The following TULP2 variants were observed in gnomAD, a reference collection of about 807,000 sequenced individuals.
TULP2 encodes the protein tubby-related protein 2.
A neutral mutation model predicts 60.3 loss-of-function variants in TULP2; 64 were observed. The observed-to-expected ratio is 1.06, with a 90% CI of 0.87 to 1.31. The LOEUF (loss-of-function observed/expected upper bound fraction) is 1.31, where lower values mean the gene tolerates loss of function less well. TULP2 is among the 50% of genes most tolerant of loss of function. TULP2 has a pLI of 0.00. For missense variants in TULP2, 652 were observed against 667.0 expected (o/e 0.98, Z 0.25); for synonymous variants, 267 against 265.4 (o/e 1.01, Z -0.06).
intron 6 of TULP2, among the ~76,000 whole-genome samples, chr19:48,893,176 G>A (rs1291586849): frequency 1.3e-5 from 2 of 151,922 alleles, no homozygotes; most frequent in South Asian, 2.1e-4. Flanking sequence ...GAGACCAGCT[G>A]TGCCAACATG....
chr19:48,889,345 T>C (rs976146105), intron 7 of TULP2, among the ~76,000 whole-genome samples, 165 bp downstream of exon 7: 2 of 151,678 alleles, frequency 1.3e-5, no homozygotes, highest in African/African-American at 4.8e-5. Context: ...CACACACACA[T>C]GCACGCACGC....
intron 6 of TULP2, among the ~76,000 whole-genome samples, chr19:48,894,266 G>C (rs36046381): frequency 0.5 from 75,750 of 151,746 alleles, 21,776 homozygotes; most frequent in African/African-American, 0.8. Context: ...TTCCTGGACT[G>C]AAGTGACCAA....
At chr19:48,881,870 C>T in intron 12 of TULP2, 162 bp downstream of exon 12, 2 of 935,192 alleles carry the variant, frequency 2.1e-6, no homozygotes, top group African/African-American at 1.6e-5. Flanking sequence ...GCCAGAAACC[C>T]TGAGGGTGTG....
chr19:48,883,713 C>A (rs746238795), intron 11 of TULP2, 41 bp downstream of exon 11: 3 of 1,607,654 alleles, frequency 1.9e-6, no homozygotes, highest in African/African-American at 2.7e-5. Context: ...GCCCCAGCCC[C>A]TTCTCCATTG....
chr19:48,882,036 T>A lies in TULP2; in HGVS notation c.1443A>T (p.Lys481Asn), dbSNP rs182426608. 14 of 1,614,104 alleles carry A rather than the reference T, an allele frequency of 8.7e-6. No individual in the cohort carries two copies. In the East Asian group the frequency reaches 2.9e-4, roughly 33 times the overall value. Residue 481 changes from lysine (K) to asparagine (N), a missense_variant, in exon 12 of 13, where the codon AAA (lysine) becomes AAT (asparagine). Lys to Asn is a moderately conservative substitution (Grantham distance 94). Coordinates refer to ENST00000221399, the MANE Select transcript of TULP2 (RefSeq NM_003323.3). The part of the protein sequence containing the change: ...SVKNFQIVDP[K>N]HQEHLVLQFG... The stretch of plus-strand genomic sequence containing the variant: ...AACTGGTTTCCAGGAGCTCACGGTG[T>A]TTGGGATCCACGATTTGGAAGTTCT...
chr19:48,886,818 C>T (rs924901448), intron 8 of TULP2, among the ~76,000 whole-genome samples: 1 of 151,164 alleles, frequency 6.6e-6, no homozygotes, highest in Admixed American at 6.6e-5. Flanking sequence ...AAGCCATTTT[C>T]CCTCAGCCTC....
chr19:48,894,807 G>A (rs2037263552), intron 6 of TULP2, among the ~76,000 whole-genome samples, 191 bp downstream of exon 6: 1 of 152,164 alleles, frequency 6.6e-6, no homozygotes, highest in Non-Finnish European at 1.5e-5. Flanking sequence ...TATCTGTGGG[G>A]TTCCTGGAAC....
chr19:48,884,157 C>T (rs2037159550), intron 9 of TULP2, 111 bp from the exon 10 acceptor site: 3 of 863,372 alleles, frequency 3.5e-6, no homozygotes, highest in Non-Finnish European at 5.5e-6. Flanking sequence ...AAGACTATGT[C>T]CGAATGTCTA....
chr19:48,888,196 G>T lies in TULP2; in HGVS notation c.702C>A (p.His234Gln). Reference sequence around the variant, plus strand: ...TCAGGGCCTTGGACAACTCTTCGTTGTGTGCTGCTGAGGAGTTCGTCCCTG... The same window carrying T: ...TCAGGGCCTTGGACAACTCTTCGTTTTGTGCTGCTGAGGAGTTCGTCCCTG... ...ESTGTNSSAA[H>Q]NEELSKALKG... is the part of the protein sequence containing the mutation. The change falls in exon 8 of 13, where the codon CAC becomes CAA. Residue 234 changes from histidine to glutamine, a missense_variant. Coordinates refer to ENST00000221399, the MANE Select transcript of TULP2 (RefSeq NM_003323.3). The T allele has an allele frequency of 6.2e-7, 1 of 1,614,058 alleles. No homozygotes were observed. The highest frequency in any genetic ancestry group is 2.2e-5 in the East Asian group (1 of 44,870).
rs368027001 is a variant in TULP2, at chr19:48,897,409, C to T, written c.33-13G>A. The T allele has an allele frequency of 4.3e-6, 7 of 1,613,562 alleles. No individual in the cohort carries two copies. The highest frequency in any genetic ancestry group is 5.1e-6 in the Non-Finnish European group (6 of 1,179,762). On this transcript the variant is annotated splice_polypyrimidine_tract_variant and intron_variant, in intron 2 of 12. Transcript: ENST00000221399. This position sits in a 1 kb window ranked among gnomAD's most constrained non-coding sequence, Gnocchi z 4.0. ...ATGCCCCAGGATGCTGAGAGAGACACAGGCCCATGGTGACAGTGCACAGGG... is the reference window on the plus strand; with the variant it reads ...ATGCCCCAGGATGCTGAGAGAGACATAGGCCCATGGTGACAGTGCACAGGG...
intron 3 of TULP2, 177 bp from the exon 4 acceptor site, chr19:48,896,733 G>A (rs2037286206): frequency 1.4e-6 from 1 of 710,072 alleles, no homozygotes; most frequent in Non-Finnish European, 2.2e-6. Flanking sequence ...TTCCACCGTT[G>A]GACTCAGATC....
chr19:48,898,041 C>T (rs980753721), intron 1 of TULP2, among the ~76,000 whole-genome samples, 172 bp from the exon 2 acceptor site: 5 of 152,018 alleles, frequency 3.3e-5, no homozygotes, highest in African/African-American at 1.2e-4. Flanking sequence ...GGCGCCATCT[C>T]GGCCACTGCA....
chr19:48,889,466 A>G (rs1198626347), intron 7 of TULP2, 44 bp downstream of exon 7: 2 of 1,554,044 alleles, frequency 1.3e-6, no homozygotes, highest in Non-Finnish European at 1.8e-6. Context: ...GTCCGAGGCT[A>G]GCCCTCTTCT....
chr19:48,891,042 C>T (rs144116238), intron 6 of TULP2, among the ~76,000 whole-genome samples: 26,813 of 148,964 alleles, frequency 0.18, 3,451 homozygotes, highest in African/African-American at 0.37. Context: ...TGGCCGGGCA[C>T]GGTGGCTCAC....
rs775881486 is a variant in TULP2 at position 48,881,059 on chromosome 19, T to C, written c.1515A>G (p.Pro505=). The C allele has an allele frequency of 2.7e-5, 43 of 1,613,814 alleles. No homozygotes were observed. The highest frequency in any genetic ancestry group is 3.4e-5 in the Non-Finnish European group (40 of 1,179,998). The part of the protein sequence containing the change: ...PDTFTMDFCF[P]FSPLQAFSIC... The stretch of plus-strand genomic sequence containing the variant: ...TGCTGAAGGCCTGGAGCGGGCTAAA[T>C]GGAAAGCAGAAGTCCATGGTGAATG... Residue 505 remains proline (P), a synonymous_variant, in exon 13 of 13, where the codon CCA becomes CCG. Transcript: ENST00000221399.
In TULP2 at chr19:48,896,523, G is replaced by C. The variant is rs1457969907; in HGVS notation, c.118C>G (p.Arg40Gly). 1.2e-6 allele frequency: 2 copies of C among 1,604,812 alleles called. No individual in the cohort carries two copies. Among genetic ancestry groups the C allele is most frequent in the Non-Finnish European group, 1.7e-6 (2 of 1,175,770 alleles). Residue 40 changes from arginine (R) to glycine (G), a missense_variant, in exon 4 of 13, where the codon CGC (arginine) becomes GGC (glycine). Arg to Gly is a moderately radical substitution (Grantham distance 125). Transcript: ENST00000221399. The part of the protein sequence containing the change: ...RLFEKKQRQK[R>G]QELLMVQANP... The stretch of plus-strand genomic sequence containing the variant: ...GCCTGAACCATGAGGAGCTCCTGGC[G>C]CTTCTGTCGCTGCTTCTTTTCAAAC...
At position 48,897,421 on chromosome 19, in the gene TULP2, G is replaced by A. The variant is rs2037292915; in HGVS notation, c.33-25C>T. 1.2e-6 allele frequency: 2 copies of A among 1,612,798 alleles called. No individual in the cohort carries two copies. The highest frequency in any genetic ancestry group is 1.7e-6 in the Non-Finnish European group (2 of 1,179,350). On this transcript the variant is annotated intron_variant, in intron 2 of 12. Transcript: ENST00000221399. The surrounding 1 kb of genome is among the most constrained non-coding windows in gnomAD (Gnocchi z 4.0). ...GCTGAGAGAGACACAGGCCCATGGT[G>A]ACAGTGCACAGGGAACCTCGGTTGC...
intron 6 of TULP2, among the ~76,000 whole-genome samples, chr19:48,892,088 G>A (rs941049599): frequency 7.9e-5 from 12 of 152,164 alleles, no homozygotes; most frequent in African/African-American, 2.7e-4. Flanking sequence ...TTCCAGAGAC[G>A]TGCAGGAGAC....
chr19:48,888,066 G>T lies in TULP2; in HGVS notation c.832C>A (p.Arg278=). The T allele has an allele frequency of 6.2e-7, 1 of 1,614,186 alleles. No homozygotes were observed. The highest frequency in any genetic ancestry group is 1.1e-5 in the South Asian group (1 of 91,088). Residue 278 remains arginine (R), a synonymous_variant, in exon 8 of 13, where the codon CGG becomes AGG. Transcript: ENST00000221399. ...LEEDMEAYVL[R]PALPGTMMQC... ...ATCATGGTGCCCGGGAGCGCTGGCCGCAGCACGTAGGCTTCCATGTCCTCC... is the reference window on the plus strand; with the variant it reads ...ATCATGGTGCCCGGGAGCGCTGGCCTCAGCACGTAGGCTTCCATGTCCTCC...
Sources: allele counts gnomAD v4.1 joint callset (sites outside exome capture counted in the v4.1 genomes callset), GRCh38; gene constraint gnomAD v4.1.1; non-coding constraint Gnocchi (gnomAD v3.1); transcripts MANE v1.5; gene names NCBI Gene and HGNC (gene_info 2026-07-23, HGNC 2026-07-21).